The following MYO3B variants were observed in gnomAD, a reference collection of about 807,000 sequenced individuals.
MYO3B encodes the protein myosin-IIIb.
In MYO3B, 156 loss-of-function variants were observed where a neutral mutation model predicts 174.6. The ratio of observed to expected loss-of-function variants is 0.89; its 90% CI spans 0.78 to 1.02. The LOEUF (loss-of-function observed/expected upper bound fraction) is 1.02. Among genes scored for constraint, MYO3B ranks in the 50% least tolerant of loss-of-function variants. The pLI is 0.00. For synonymous variants in MYO3B, 563 were observed against 569.1 expected (o/e 0.99, Z 0.15); for missense variants, 1,632 against 1,639.4 (o/e 1.00, Z 0.08).
rs566960983 is a variant in MYO3B at position 170,393,232 on chromosome 2, T to C, written c.1791+737T>C. On this transcript the variant is annotated intron_variant, in intron 16 of 34. Coordinates refer to ENST00000408978, the MANE Select transcript of MYO3B (RefSeq NM_138995.5). ...CCGAGTAGCTGGGGTTACAGGTGTG[T>C]GCCACCACACCTGACTAATTTTTGT... is the stretch of plus-strand genomic sequence containing the variant. 1.3e-4 allele frequency among the ~76,000 whole-genome samples: 20 copies of C among 151,930 alleles called. No homozygotes were observed. The South Asian group carries it at 2.1e-3, about 16-fold the overall frequency.
Position 170,466,629 on chromosome 2 carries a change from C to T in MYO3B, c.2932C>T (p.Arg978Cys), listed in dbSNP as rs529368160. The change falls in exon 25 of 35, where the codon CGC becomes TGC. Residue 978 changes from arginine (R) to cysteine (C), a missense_variant. Transcript: ENST00000408978. ...TCGAGAGAGGGTGCTGGCCCAGCTC[C>T]GCTCCACAGGGATTCTGGAGACAGT... ...FSRERVLAQL[R>C]STGILETVSI... 1.6e-5 allele frequency: 26 copies of T among 1,614,230 alleles called. No individual in the cohort carries two copies. The East Asian group carries it at 1.8e-4, about 11-fold the overall frequency.
At chr2:170,466,973 C>T (rs903959365) in intron 25 of MYO3B, among the ~76,000 whole-genome samples, 4 of 152,188 alleles carry the variant, frequency 2.6e-5, no homozygotes, top group Non-Finnish European at 5.9e-5. Flanking sequence ...CCTTAGGTCT[C>T]AAGTTCTCCA....
At chr2:170,457,607 A>G (rs1683980356) in intron 23 of MYO3B, among the ~76,000 whole-genome samples, 1 of 152,202 alleles carries the variant, frequency 6.6e-6, no homozygotes, top group Non-Finnish European at 1.5e-5. Context: ...GTCCAACTAG[A>G]AGGTCTAACA....
chr2:170,400,655 C>CA (rs1056295734), intron 17 of MYO3B, among the ~76,000 whole-genome samples: 10 of 133,396 alleles, frequency 7.5e-5, no homozygotes, highest in Admixed American at 4.4e-4. Flanking sequence ...CACCCCCCCC[C>CA]CCTCGGCCTC....
chr2:170,537,448 A>ATTTTTTTTTT lies in MYO3B; in HGVS notation c.3576-5434_3576-5425dup, dbSNP rs559086883. 1.6e-3 allele frequency among the ~76,000 whole-genome samples: 88 copies of ATTTTTTTTTT among 54,818 alleles called. 25 individuals are homozygous for ATTTTTTTTTT. The highest frequency in any genetic ancestry group is 5.7e-3 in the African/African-American group (70 of 12,278). The allele number at this position is 54,818 out of a possible 152,430, so 36.0% of individuals were successfully genotyped here. A position where few individuals can be genotyped will look rare whatever the true frequency, so the allele number is the denominator to read the frequency against. ...ACCTTCTCTTATTAAGAGCTCTTTG[A>ATTTTTTTTTT]TTTTTTTTTTTTTTTTTTTTTTTTT... On this transcript the variant is annotated intron_variant, in intron 30 of 34. Coordinates refer to ENST00000408978, the MANE Select transcript of MYO3B (RefSeq NM_138995.5).
At chr2:170,481,867 T>C (rs1289024710) in intron 25 of MYO3B, among the ~76,000 whole-genome samples, 2 of 152,192 alleles carry the variant, frequency 1.3e-5, no homozygotes, top group African/African-American at 4.8e-5. Context: ...CAACTGTGTG[T>C]GTTGGTGCCT....
rs187452918 is a variant in MYO3B, at chr2:170,463,124, T to C, written c.2731-244T>C. Among the ~76,000 whole-genome samples, 168 of 152,338 alleles carry C rather than the reference T, an allele frequency of 1.1e-3. 1 individual carries two copies. The Middle Eastern group carries it at 0.017, about 15-fold the overall frequency. On this transcript the variant is annotated intron_variant, in intron 23 of 34. Transcript: ENST00000408978. Reference sequence around the variant, plus strand: ...ATTAGAAGATGTAGAAGTATAGAAATAAGAGGGGTTTACACTGAAACCACA... The same window carrying C: ...ATTAGAAGATGTAGAAGTATAGAAACAAGAGGGGTTTACACTGAAACCACA...
chr2:170,254,296 T>C (rs2093283736), intron 7 of MYO3B, among the ~76,000 whole-genome samples: 2 of 152,082 alleles, frequency 1.3e-5, no homozygotes. Flanking sequence ...GCCCAGAAGG[T>C]TACACTCATG....
At chr2:170,315,045 A>C (rs956322638) in intron 7 of MYO3B, among the ~76,000 whole-genome samples, 6 of 152,148 alleles carry the variant, frequency 3.9e-5, no homozygotes, top group Non-Finnish European at 7.3e-5. Flanking sequence ...TAGGACTATC[A>C]AGTTTTGCTT....
intron 7 of MYO3B, among the ~76,000 whole-genome samples, chr2:170,289,431 C>T (rs952352570): frequency 6.6e-6 from 1 of 151,990 alleles, no homozygotes. Context: ...CTTCATGGTT[C>T]AATTTTGATA....
chr2:170,446,184 A>T (rs1440986398), intron 23 of MYO3B, among the ~76,000 whole-genome samples: 1 of 152,224 alleles, frequency 6.6e-6, no homozygotes, highest in Non-Finnish European at 1.5e-5. Flanking sequence ...GGTTACAAAT[A>T]AATTTTAGCA....
intron 3 of MYO3B, among the ~76,000 whole-genome samples, chr2:170,205,623 G>A (rs1257040719): frequency 1.3e-5 from 2 of 151,998 alleles, no homozygotes; most frequent in African/African-American, 4.8e-5. Context: ...CATGTGGCTG[G>A]TCAGAAATTC....
chr2:170,568,139 A>C (rs1346641376), intron 32 of MYO3B, among the ~76,000 whole-genome samples: 1 of 152,244 alleles, frequency 6.6e-6, no homozygotes, highest in Non-Finnish European at 1.5e-5. Flanking sequence ...TATGTGTGCC[A>C]TGACATGGCA....
intron 7 of MYO3B, among the ~76,000 whole-genome samples, chr2:170,298,654 C>T (rs1358845182): frequency 1.5e-5 from 2 of 134,816 alleles, no homozygotes; most frequent in South Asian, 2.3e-4. Flanking sequence ...ACTCCAGCCT[C>T]GGTGACAGAG....
At chr2:170,362,812 G>C (rs191557033) in intron 8 of MYO3B, among the ~76,000 whole-genome samples, 2 of 152,152 alleles carry the variant, frequency 1.3e-5, no homozygotes, top group Admixed American at 6.5e-5. Flanking sequence ...CACCAAACAG[G>C]GGGGTGATGT....
At position 170,453,437 on chromosome 2, in the gene MYO3B, CACACACACACACACACGA is replaced by C. The variant is rs1411519838; in HGVS notation, c.2730+9392_2730+9409del. On this transcript the variant is annotated intron_variant, in intron 23 of 34. Transcript: ENST00000408978. ...ACACACACACACACACACACACACACACACACACACACACACGAGAGAGAGAGAGAGAAAGAGAGAGCG... is the reference window on the plus strand; with the variant it reads ...ACACACACACACACACACACACACACGAGAGAGAGAGAGAAAGAGAGAGCG... 4.7e-3 allele frequency among the ~76,000 whole-genome samples: 644 copies of C among 137,422 alleles called. 3 individuals carry two copies. The highest frequency in any genetic ancestry group is 0.016 in the African/African-American group (612 of 37,440). The allele number at this position is 137,422 out of a possible 152,430, so 90.2% of individuals were successfully genotyped here.
At chr2:170,288,170 C>T (rs1371204852) in intron 7 of MYO3B, among the ~76,000 whole-genome samples, 3 of 150,962 alleles carry the variant, frequency 2.0e-5, no homozygotes, top group Middle Eastern at 3.5e-3. Flanking sequence ...CCTCCAGCTT[C>T]GCTCTTTTTG....
chr2:170,313,009 C>T (rs2093750294), intron 7 of MYO3B, among the ~76,000 whole-genome samples: 1 of 152,180 alleles, frequency 6.6e-6, no homozygotes, highest in Admixed American at 6.5e-5. Context: ...ATTGAAGGAC[C>T]TAGACAACTG....
At position 170,387,094 on chromosome 2, in the gene MYO3B, T is replaced by C; in HGVS notation, c.1375-12T>C. On this transcript the variant is annotated splice_polypyrimidine_tract_variant and intron_variant, in intron 13 of 34. Coordinates refer to ENST00000408978, the MANE Select transcript of MYO3B (RefSeq NM_138995.5). ...CTGGAGTCTCTTCTTGACCGTTCTC[T>C]GTTTGGCACAGGCCAATAATCAGAC... 1.2e-6 allele frequency: 2 copies of C among 1,613,700 alleles called. No homozygotes were observed. Among genetic ancestry groups the C allele is most frequent in the East Asian group, 4.5e-5 (2 of 44,864 alleles).
Sources: gnomAD v4.1 joint callset for allele counts (sites outside exome capture counted in the v4.1 genomes callset) on GRCh38, gnomAD v4.1.1 for gene constraint, MANE v1.5 for transcripts, NCBI Gene and HGNC (gene_info 2026-07-23, HGNC 2026-07-21) for gene names.